KMT2C: variants seen among roughly 807,000 people sequenced by gnomAD.
KMT2C encodes histone-lysine N-methyltransferase 2C.
Under a neutral mutation model 507.9 loss-of-function variants are expected in KMT2C, and 88 were observed. The observed-to-expected ratio is 0.17, with a 90% CI of 0.15 to 0.21. The LOEUF is 0.21. Ranked by LOEUF, KMT2C falls within the 10% of genes least tolerant of loss-of-function variation. KMT2C has a pLI of 1.00. For missense variants in KMT2C, 4,954 were observed against 5,957.8 expected (o/e 0.83, Z 5.55); for synonymous variants, 2,049 against 2,080.8 (o/e 0.98, Z 0.42).
At chr7:152,172,892 T>A (rs1230489174) in intron 39 of KMT2C, among the ~76,000 whole-genome samples, 1 of 152,182 alleles carries the variant, frequency 6.6e-6, no homozygotes, top group Non-Finnish European at 1.5e-5. Context: ...GCTAAATTTG[T>A]TAATACTTTA....
chr7:152,153,824 A>C (rs2091845298), intron 48 of KMT2C, among the ~76,000 whole-genome samples, 186 bp downstream of exon 48: 1 of 152,132 alleles, frequency 6.6e-6, no homozygotes. Context: ...ACGTAGGCTG[A>C]GACCAATTCA....
At chr7:152,315,115 CA>C in intron 4 of KMT2C, 22 bp downstream of exon 4, 1 of 1,595,454 alleles carries the variant, frequency 6.3e-7, no homozygotes, top group East Asian at 2.2e-5. Context: ...TCTATTCCAA[CA>C]TTTAAAGTCG....
chr7:152,141,108 C>A (rs550794293), intron 55 of KMT2C, among the ~76,000 whole-genome samples: 1 of 151,878 alleles, frequency 6.6e-6, no homozygotes, highest in Non-Finnish European at 1.5e-5. Flanking sequence ...GGCATGGTGG[C>A]GTGTGCCTGT....
intron 9 of KMT2C, among the ~76,000 whole-genome samples, chr7:152,259,557 C>A (rs534424834): frequency 6.6e-6 from 1 of 151,050 alleles, no homozygotes; most frequent in African/African-American, 2.4e-5. Flanking sequence ...TAAGTAAATG[C>A]GACATGGGTA....
chr7:152,136,215 T>A lies in KMT2C; in HGVS notation c.*617A>T. On this transcript the variant is annotated 3_prime_UTR_variant, in exon 59 of 59. Transcript: ENST00000262189. ...ATTTTACAGAAATCAAAAACTACAATAAACTGACTCATGGAATCAAGTATT... is the reference window on the plus strand; with the variant it reads ...ATTTTACAGAAATCAAAAACTACAAAAAACTGACTCATGGAATCAAGTATT... 4.8e-6 allele frequency: 1 copy of A among 210,190 alleles called. No individual in the cohort carries two copies. Among genetic ancestry groups the A allele is most frequent in the Non-Finnish European group, 9.7e-6 (1 of 103,278 alleles). 13.0% of individuals were successfully genotyped at this position (210,190 alleles called of 1,614,324 possible). A position where few individuals can be genotyped will look rare whatever the true frequency, so the allele number is the denominator to read the frequency against.
At position 152,136,932 on chromosome 7, in the gene KMT2C, C is replaced by A. The variant is rs373607948; in HGVS notation, c.14644-8G>T. On this transcript the variant is annotated splice_polypyrimidine_tract_variant and splice_region_variant and intron_variant, in intron 58 of 58. Coordinates refer to ENST00000262189, the MANE Select transcript of KMT2C (RefSeq NM_170606.3). ...CTTATAGTCATAGCAGAGCTGCCCA[C>A]GGCAAAGACACAGGGTAAGAAAGGA... The A allele has an allele frequency of 6.2e-7, 1 of 1,605,692 alleles. No individual in the cohort carries two copies. Among genetic ancestry groups the A allele is most frequent in the Admixed American group, 1.7e-5 (1 of 60,008 alleles).
chr7:152,300,533 C>T (rs961768714), intron 6 of KMT2C, among the ~76,000 whole-genome samples: 1 of 152,178 alleles, frequency 6.6e-6, no homozygotes, highest in Non-Finnish European at 1.5e-5. Flanking sequence ...ATGGAAGGCA[C>T]AGCACATAAG....
At chr7:152,299,316 C>G (rs2096544581) in intron 6 of KMT2C, among the ~76,000 whole-genome samples, 1 of 131,346 alleles carries the variant, frequency 7.6e-6, no homozygotes. Context: ...GACTCTATCT[C>G]AAAAAATAAA....
At chr7:152,146,823 A>C in intron 52 of KMT2C, 88 bp from the exon 53 acceptor site, 1 of 1,140,728 alleles carries the variant, frequency 8.8e-7, no homozygotes, top group Non-Finnish European at 1.3e-6. Context: ...ACTCACAAGG[A>C]TTTACTAATT....
intron 10 of KMT2C, 118 bp downstream of exon 10, chr7:152,252,428 T>G (rs1433120787): frequency 3.9e-6 from 3 of 767,586 alleles, no homozygotes; most frequent in Non-Finnish European, 6.3e-6. Flanking sequence ...ATAACAGCAA[T>G]CAGTACTGAT....
At chr7:152,262,120 A>AT (rs1304844829) in intron 9 of KMT2C, among the ~76,000 whole-genome samples, 1 of 152,110 alleles carries the variant, frequency 6.6e-6, no homozygotes, top group African/African-American at 2.4e-5. Flanking sequence ...GCAGGTACAG[A>AT]ATCTCCCTGC....
intron 38 of KMT2C, among the ~76,000 whole-genome samples, chr7:152,175,425 C>T (rs1311730822): frequency 6.6e-6 from 1 of 151,934 alleles, no homozygotes; most frequent in East Asian, 1.9e-4. Flanking sequence ...CCCATCAACC[C>T]GTCATCTACA....
chr7:152,387,495 G>C (rs1160189579), intron 1 of KMT2C, among the ~76,000 whole-genome samples: 1 of 146,746 alleles, frequency 6.8e-6, no homozygotes, highest in Non-Finnish European at 1.5e-5. Flanking sequence ...TTTTGAGACG[G>C]AGTCTCGCTC....
intron 49 of KMT2C, 75 bp from the exon 50 acceptor site, chr7:152,151,656 A>C (rs1208414867): frequency 1.1e-5 from 13 of 1,224,772 alleles, no homozygotes; most frequent in African/African-American, 4.5e-5. Context: ...AAAATTATGC[A>C]GTATCAACTC....
intron 27 of KMT2C, among the ~76,000 whole-genome samples, chr7:152,198,273 C>T (rs539650245): frequency 1.6e-4 from 25 of 152,130 alleles, no homozygotes; most frequent in Non-Finnish European, 3.1e-4. Flanking sequence ...GTGTCCAACA[C>T]GGGGTAAGAT....
rs1286732306 is a variant in KMT2C at position 152,417,951 on chromosome 7, T to A, written c.161+17675A>T. On this transcript the variant is annotated intron_variant, in intron 1 of 58. Coordinates refer to ENST00000262189, the MANE Select transcript of KMT2C (RefSeq NM_170606.3). Reference sequence around the variant, plus strand: ...GCCACCGCGCCCACCCTCTTTCTTTTAAAAAAAAAAAAAAAAAAAAAGATG... The same window carrying A: ...GCCACCGCGCCCACCCTCTTTCTTTAAAAAAAAAAAAAAAAAAAAAAGATG... Among the ~76,000 whole-genome samples the A allele has an allele frequency of 6.1e-4, 68 of 110,958 alleles. 1 individual carries two copies. The highest frequency in any genetic ancestry group is 9.6e-4 in the South Asian group (3 of 3,112). 72.8% of individuals were successfully genotyped at this position (110,958 alleles called of 152,430 possible).
intron 3 of KMT2C, among the ~76,000 whole-genome samples, chr7:152,329,055 C>T (rs550094605): frequency 2.6e-5 from 4 of 151,890 alleles, no homozygotes; most frequent in East Asian, 2.0e-4. Context: ...GAAATGAACA[C>T]GTGAGACTCT....
chr7:152,315,296 G>C lies in KMT2C; in HGVS notation c.432C>G (p.Ser144=), dbSNP rs751566273. Residue 144 remains serine, a synonymous_variant, in exon 4 of 59, where the codon TCC becomes TCG. Coordinates refer to ENST00000262189, the MANE Select transcript of KMT2C (RefSeq NM_170606.3). ...CAFCYCGEKS[S]LGQGDLKQFR... The stretch of plus-strand genomic sequence containing the variant: ...ATTGTTTTAAGTCTCCTTGTCCTAA[G>C]GAACTTTTTTCCCCACAGTAACAAA... 6.2e-7 allele frequency: 1 copy of C among 1,613,920 alleles called. No individual in the cohort carries two copies. The highest frequency in any genetic ancestry group is 8.5e-7 in the Non-Finnish European group (1 of 1,179,948).
chr7:152,431,301 T>A (rs1446048408), intron 1 of KMT2C, among the ~76,000 whole-genome samples: 1 of 151,942 alleles, frequency 6.6e-6, no homozygotes, highest in Non-Finnish European at 1.5e-5. Context: ...TCTTCTCAAA[T>A]ATTAGAAATT....
Sources: gnomAD v4.1 joint callset for allele counts (sites outside exome capture counted in the v4.1 genomes callset) on GRCh38, gnomAD v4.1.1 for gene constraint, MANE v1.5 for transcripts, NCBI Gene and HGNC (gene_info 2026-07-23, HGNC 2026-07-21) for gene names.